ZC3H8: variants seen among roughly 807,000 people sequenced by gnomAD.
The protein encoded by ZC3H8 is zinc finger CCCH-type containing 8, also known as zinc finger CCCH domain-containing protein 8.
Under a neutral mutation model 42.5 loss-of-function variants are expected in ZC3H8, and 27 were observed. That is an observed-to-expected ratio of 0.64 (90% CI 0.47 to 0.88). The LOEUF is 0.88. Ranked by LOEUF, ZC3H8 falls within the 40% of genes least tolerant of loss-of-function variation. ZC3H8 has a pLI of 0.00. For synonymous variants in ZC3H8, 101 were observed against 110.1 expected, an observed-to-expected ratio of 0.92 and a Z score of 0.52; for missense variants, 277 against 336.1, an observed-to-expected ratio of 0.82 and a Z score of 1.37.
intron 8 of ZC3H8, among the ~76,000 whole-genome samples, chr2:112,217,841 CATCT>C (rs1334453621): frequency 6.6e-6 from 1 of 152,104 alleles, no homozygotes; most frequent in Non-Finnish European, 1.5e-5. Flanking sequence ...TCCTGTCAAA[CATCT>C]ATATCTGAAA....
At position 112,236,679 on chromosome 2, in the gene ZC3H8, A is replaced by G; in HGVS notation, c.387T>C (p.Asn129=). 1.9e-6 allele frequency: 3 copies of G among 1,610,744 alleles called. No individual in the cohort carries two copies. The highest frequency in any genetic ancestry group is 2.5e-6 in the Non-Finnish European group (3 of 1,178,720). Reference sequence around the variant, plus strand: ...TCTTGTGACCAGCTTTAAGATTTTTATTTTTTTGTTTAGCAGCTAAAAACA... The same window carrying G: ...TCTTGTGACCAGCTTTAAGATTTTTGTTTTTTTGTTTAGCAGCTAAAAACA... ...KDTPQAAKQK[N]KNLKAGHKNG... The change falls in exon 4 of 9, where the codon AAT becomes AAC. Residue 129 remains asparagine, a synonymous_variant. Transcript: ENST00000409573.
intron 1 of ZC3H8, 79 bp downstream of exon 1, chr2:112,254,829 T>C (rs1686069259): frequency 1.3e-6 from 2 of 1,497,748 alleles, no homozygotes; most frequent in Non-Finnish European, 1.8e-6. Flanking sequence ...GGCCCCGGAC[T>C]GCCTCCAATC....
intron 2 of ZC3H8, among the ~76,000 whole-genome samples, chr2:112,241,009 TTG>T (rs3048247): frequency 0.017 from 2,508 of 145,230 alleles, 68 homozygotes; most frequent in African/African-American, 0.058. Context: ...GTGTTGTGTT[TTG>T]TGTGTGTGTG....
intron 8 of ZC3H8, among the ~76,000 whole-genome samples, chr2:112,221,153 T>G (rs750983389): frequency 6.6e-6 from 1 of 152,204 alleles, no homozygotes; most frequent in Non-Finnish European, 1.5e-5. Flanking sequence ...TGTTCAGTCT[T>G]TGATATGGTT....
At chr2:112,243,283 G>A (rs915987664) in intron 2 of ZC3H8, among the ~76,000 whole-genome samples, 5 of 152,166 alleles carry the variant, frequency 3.3e-5, no homozygotes, top group African/African-American at 1.2e-4. Flanking sequence ...AGGAGCTTCC[G>A]CCTAACCTTT....
chr2:112,221,798 G>A (rs763578434), intron 8 of ZC3H8, among the ~76,000 whole-genome samples: 4 of 151,964 alleles, frequency 2.6e-5, no homozygotes, highest in Non-Finnish European at 2.9e-5. Context: ...TCTTGGATTG[G>A]GTTGACTATC....
In ZC3H8 at chr2:112,213,818, TCTA is replaced by T. The variant is rs1251012537; in HGVS notation, c.*2663_*2665del. ...AAAAAAAAAAAAAAAAAAATTTAGTTCTACTATTATGTGGCTTTTAGTAACTGA... is the reference window on the plus strand; with the variant it reads ...AAAAAAAAAAAAAAAAAAATTTAGTTCTATTATGTGGCTTTTAGTAACTGA... On this transcript the variant is annotated 3_prime_UTR_variant, in exon 9 of 9. Coordinates refer to ENST00000409573, the MANE Select transcript of ZC3H8 (RefSeq NM_032494.3). 6.8e-6 allele frequency: 1 copy of T among 146,344 alleles called. No individual in the cohort carries two copies. Among genetic ancestry groups the T allele is most frequent in the Non-Finnish European group, 1.5e-5 (1 of 66,944 alleles). The allele number at this position is 146,344 out of a possible 1,614,324, so 9.1% of individuals were successfully genotyped here.
chr2:112,218,183 C>A (rs1684412184), intron 8 of ZC3H8, among the ~76,000 whole-genome samples: 1 of 152,204 alleles, frequency 6.6e-6, no homozygotes, highest in Non-Finnish European at 1.5e-5. Context: ...TCTTCCCATT[C>A]TCTAGGCATA....
chr2:112,239,729 C>T (rs958007622), intron 2 of ZC3H8, among the ~76,000 whole-genome samples: 15 of 152,044 alleles, frequency 9.9e-5, no homozygotes, highest in African/African-American at 3.6e-4. Flanking sequence ...GGACTACAGG[C>T]ATGCACCACC....
intron 2 of ZC3H8, among the ~76,000 whole-genome samples, chr2:112,239,579 CTT>C (rs200972008): frequency 5.6e-4 from 48 of 86,478 alleles, no homozygotes; most frequent in African/African-American, 2.1e-3. Flanking sequence ...TAACAGTTTA[CTT>C]TTTTTTTTTT....
rs535644893 is a variant in ZC3H8 at position 112,248,917 on chromosome 2, G to A, written c.156+1274C>T. Among the ~76,000 whole-genome samples, 50 of 152,200 alleles carry A rather than the reference G, an allele frequency of 3.3e-4. 3 individuals carry two copies. In the South Asian group the frequency reaches 1.0e-2, roughly 30 times the overall value. Reference sequence around the variant, plus strand: ...CCTTATAAAAAAGGAAAATTCAGCCGGGCACAGTCGCTCAGGCCTGTAATC... The same window carrying A: ...CCTTATAAAAAAGGAAAATTCAGCCAGGCACAGTCGCTCAGGCCTGTAATC... On this transcript the variant is annotated intron_variant, in intron 2 of 8. Transcript: ENST00000409573.
At position 112,236,599 on chromosome 2, in the gene ZC3H8, G is replaced by C; in HGVS notation, c.467C>G (p.Ser156Ter). Residue 156 changes from serine to a stop codon, truncating the protein, a stop_gained, in exon 4 of 9, where the codon TCA (serine) becomes TGA (stop). Transcript: ENST00000409573. LOFTEE classifies it high-confidence loss of function. ...RKWPGPGNKG[S>*]NALLRNSGSQ... ...GCCGCTGTTCCTCAGCAAAGCATTT[G>C]ATCCTTTGTTTCCAGGGCCAGGCCA... 2 of 1,613,928 alleles carry C rather than the reference G, an allele frequency of 1.2e-6. No homozygotes were observed. Among genetic ancestry groups the C allele is most frequent in the East Asian group, 2.2e-5 (1 of 44,878 alleles).
intron 4 of ZC3H8, 145 bp downstream of exon 4, chr2:112,236,417 G>T: frequency 9.3e-7 from 1 of 1,069,814 alleles, no homozygotes; most frequent in Non-Finnish European, 1.3e-6. Flanking sequence ...CCCAGTGACA[G>T]TAAAAGGACA....
chr2:112,236,604 T>C lies in ZC3H8; in HGVS notation c.462A>G (p.Lys154=), dbSNP rs553910296. 6.8e-6 allele frequency: 11 copies of C among 1,613,926 alleles called. No individual in the cohort carries two copies. In the East Asian group the frequency reaches 2.2e-4, roughly 33 times the overall value. ...TGTTCCTCAGCAAAGCATTTGATCC[T>C]TTGTTTCCAGGGCCAGGCCATTTTC... The part of the protein sequence containing the change: ...MKRKWPGPGN[K]GSNALLRNSG... The change falls in exon 4 of 9, where the codon AAA becomes AAG. Residue 154 remains lysine (K), a synonymous_variant. Coordinates refer to ENST00000409573, the MANE Select transcript of ZC3H8 (RefSeq NM_032494.3).
At position 112,223,869 on chromosome 2, in the gene ZC3H8, C is replaced by T. The variant is rs796191271; in HGVS notation, c.*15+7034G>A. Among the ~76,000 whole-genome samples the T allele has an allele frequency of 1.7e-4, 26 of 152,300 alleles. 1 individual carries two copies. Among genetic ancestry groups the T allele is most frequent in the African/African-American group, 5.8e-4 (24 of 41,576 alleles). On this transcript the variant is annotated intron_variant, in intron 8 of 8. Coordinates refer to ENST00000409573, the MANE Select transcript of ZC3H8 (RefSeq NM_032494.3). The stretch of plus-strand genomic sequence containing the variant: ...CAATATAAGGAATAAAGGCCAGGCA[C>T]GGCAGCTCACACCCTGTAATCCCAG...
intron 8 of ZC3H8, among the ~76,000 whole-genome samples, chr2:112,220,298 T>G (rs1684526606): frequency 6.6e-6 from 1 of 152,236 alleles, no homozygotes; most frequent in South Asian, 2.1e-4. Flanking sequence ...TGGTCTTTAC[T>G]TCCCATATTT....
intron 2 of ZC3H8, among the ~76,000 whole-genome samples, chr2:112,245,077 G>A (rs1298344156): frequency 6.6e-6 from 1 of 152,230 alleles, no homozygotes; most frequent in Non-Finnish European, 1.5e-5. Flanking sequence ...GAATGCAAAG[G>A]GAAGGTTCCT....
At chr2:112,245,877 T>C (rs1477941826) in intron 2 of ZC3H8, among the ~76,000 whole-genome samples, 1 of 152,200 alleles carries the variant, frequency 6.6e-6, no homozygotes, top group Non-Finnish European at 1.5e-5. Flanking sequence ...CACTACAATC[T>C]ATGCATGTAA....
intron 8 of ZC3H8, among the ~76,000 whole-genome samples, chr2:112,225,677 C>T (rs1448397709): frequency 2.0e-5 from 3 of 152,026 alleles, no homozygotes; most frequent in Admixed American, 2.0e-4. Context: ...ATTAGCTGGG[C>T]ATGGTGGTAA....
Sources: gnomAD v4.1 joint callset for allele counts (sites outside exome capture counted in the v4.1 genomes callset) on GRCh38, gnomAD v4.1.1 for gene constraint, MANE v1.5 for transcripts, NCBI Gene and HGNC (gene_info 2026-07-23, HGNC 2026-07-21) for gene names.